The following CSF2RA variants were observed in gnomAD, a reference collection of about 807,000 sequenced individuals.
CSF2RA encodes granulocyte-macrophage colony-stimulating factor receptor subunit alpha.
Under a neutral mutation model 51.6 loss-of-function variants are expected in CSF2RA, and 42 were observed. The observed-to-expected ratio is 0.81, with a 90% CI of 0.64 to 1.05. The LOEUF (loss-of-function observed/expected upper bound fraction) is 1.05, where lower values mean the gene tolerates loss of function less well. CSF2RA is among the 50% of genes least tolerant of loss of function. The probability of loss-of-function intolerance (pLI) is 0.00; values close to 1 mark genes in which losing one functional copy is unlikely to be tolerated. For synonymous variants in CSF2RA, 222 were observed against 193.0 expected (o/e 1.15, Z -1.24); for missense variants, 530 against 501.1 (o/e 1.06, Z -0.55).
At chrX:1,314,532 T>G (rs1445593339), downstream of CSF2RA, among the ~76,000 whole-genome samples, 6 of 122,876 alleles carry the variant, frequency 4.9e-5, no homozygotes, top group East Asian at 2.6e-4. Context: ...CCAATCCCAC[T>G]GCACCTGCCC....
chrX:1,280,886 TCTCCTCCTCCTC>T lies in CSF2RA; in HGVS notation c.-26-1786_-26-1775del, dbSNP rs1228252614. Among the ~76,000 whole-genome samples, 41 of 65,174 alleles carry T rather than the reference TCTCCTCCTCCTC, an allele frequency of 6.3e-4. 1 individual carries two copies. The highest frequency in any genetic ancestry group is 1.2e-3 in the East Asian group (2 of 1,668). The allele number at this position is 65,174 out of a possible 152,430, so 42.8% of individuals were successfully genotyped here. On this transcript the variant is annotated intron_variant, in intron 2 of 12. Transcript: ENST00000381529. ...TCCTCCTCCTCCTTCTCCTGCTCCT[TCTCCTCCTCCTC>T]CTCCTGCTCCTTCTCCTCCTCCTCC... is the stretch of plus-strand genomic sequence containing the variant.
chrX:1,279,378 T>C (rs2089607434), intron 2 of CSF2RA, among the ~76,000 whole-genome samples: 1 of 151,710 alleles, frequency 6.6e-6, no homozygotes, highest in Non-Finnish European at 1.5e-5. Context: ...ATAATAATAA[T>C]AATAACTAGT....
the CSF2RA span, among the ~76,000 whole-genome samples, chrX:1,324,512 GGAAA>G: frequency 6.5e-4 from 78 of 119,644 alleles, no homozygotes; most frequent in East Asian, 6.3e-3. Flanking sequence ...GAAGGAGGAG[GGAAA>G]GAAGGAAGGG....
Position 1,300,556 on chromosome X carries a change from C to T in CSF2RA, c.876C>T (p.His292=). The T allele has an allele frequency of 1.9e-6, 3 of 1,613,856 alleles. No individual in the cohort carries two copies. Among genetic ancestry groups the T allele is most frequent in the Non-Finnish European group, 2.5e-6 (3 of 1,179,822 alleles). Residue 292 remains histidine, a synonymous_variant, in exon 10 of 13, where the codon CAC becomes CAT. Coordinates refer to ENST00000381529, the MANE Select transcript of CSF2RA (RefSeq NM_172245.4). Reference sequence around the variant, plus strand: ...CAAGCTCTGAGCCCAGAGCAAAACACAGTGTGAAGATCAGAGCTGCAGACG... The same window carrying T: ...CAAGCTCTGAGCCCAGAGCAAAACATAGTGTGAAGATCAGAGCTGCAGACG... ...NFPSSEPRAK[H]SVKIRAADVR... is the part of the protein sequence containing the mutation.
chrX:1,289,163 G>C, intron 6 of CSF2RA: 1 of 483,708 alleles, frequency 2.1e-6, no homozygotes, highest in South Asian at 2.1e-5. Context: ...TTGCTCTGTC[G>C]CCCAGGCTGG....
At position 1,294,469 on chromosome X, in the gene CSF2RA, A is replaced by G; in HGVS notation, c.780+8A>G. The G allele has an allele frequency of 1.9e-6, 3 of 1,613,748 alleles. No homozygotes were observed. The highest frequency in any genetic ancestry group is 1.7e-6 in the Non-Finnish European group (2 of 1,179,846). The stretch of plus-strand genomic sequence containing the variant: ...CTGGACGTCCACAGAAAGGTCGGTG[A>G]GAGCTCCCCGGGGCTGGGCACCAGG... On this transcript the variant is annotated splice_region_variant and intron_variant, in intron 8 of 12. Transcript: ENST00000381529.
At chrX:1,278,055 C>T (rs1317144377) in intron 2 of CSF2RA, among the ~76,000 whole-genome samples, 5 of 150,386 alleles carry the variant, frequency 3.3e-5, no homozygotes, top group African/African-American at 1.2e-4. Flanking sequence ...CTCCAGAGGC[C>T]AGGCGCAGTG....
rs1255087710 is a variant in CSF2RA, at chrX:1,304,225, A to G, written c.1043+206A>G. On this transcript the variant is annotated intron_variant, in intron 11 of 12. Coordinates refer to ENST00000381529, the MANE Select transcript of CSF2RA (RefSeq NM_172245.4). ...AGATCGAGACCATCCTGGCTAACACAGTGAAACCCCGTCTCTACTAAAAAA... is the reference window on the plus strand; with the variant it reads ...AGATCGAGACCATCCTGGCTAACACGGTGAAACCCCGTCTCTACTAAAAAA... Among the ~76,000 whole-genome samples, 8 of 28,536 alleles carry G rather than the reference A, an allele frequency of 2.8e-4. 1 individual carries two copies. The highest frequency in any genetic ancestry group is 3.9e-4 in the African/African-American group (2 of 5,184). The allele number at this position is 28,536 out of a possible 152,430, so 18.7% of individuals were successfully genotyped here.
chrX:1,268,983 C>G, intron 1 of CSF2RA, 104 bp downstream of exon 1: 1 of 419,848 alleles, frequency 2.4e-6, no homozygotes, highest in South Asian at 1.7e-5. Context: ...TGAACTGGAA[C>G]ATAAGATTTC....
intron 4 of CSF2RA, among the ~76,000 whole-genome samples, 186 bp downstream of exon 4, chrX:1,286,106 C>T (rs759111618): frequency 1.9e-4 from 29 of 151,828 alleles, no homozygotes; most frequent in African/African-American, 6.5e-4. Context: ...AACCCCGTCT[C>T]TACTACAAAT....
intron 7 of CSF2RA, among the ~76,000 whole-genome samples, chrX:1,291,775 T>G (rs2091425284): frequency 6.7e-6 from 1 of 149,730 alleles, no homozygotes; most frequent in Non-Finnish European, 1.5e-5. Flanking sequence ...CTGGACCCAG[T>G]GTAGACAAAG....
In CSF2RA at chrX:1,283,287, C is replaced by T. The variant is rs187162256; in HGVS notation, c.76+508C>T. On this transcript the variant is annotated intron_variant, in intron 3 of 12. Coordinates refer to ENST00000381529, the MANE Select transcript of CSF2RA (RefSeq NM_172245.4). ...TCCTTCTCTCCCTCCTGATTCATTT[C>T]TTCTCTTTCTTTCTCTTCCTTCCTT... Among the ~76,000 whole-genome samples, 622 of 147,046 alleles carry T rather than the reference C, an allele frequency of 4.2e-3. 5 individuals carry two copies. Among genetic ancestry groups the T allele is most frequent in the African/African-American group, 0.015 (605 of 39,280 alleles).
chrX:1,289,085 C>G, intron 6 of CSF2RA, 197 bp downstream of exon 6: 2 of 670,790 alleles, frequency 3.0e-6, no homozygotes, highest in South Asian at 3.7e-5. Flanking sequence ...CCTCAGCTTC[C>G]CAGGTAGCTG....
chrX:1,301,352 AAAG>A (rs1190846930), intron 10 of CSF2RA, among the ~76,000 whole-genome samples: 1 of 148,200 alleles, frequency 6.7e-6, no homozygotes, highest in East Asian at 2.0e-4. Flanking sequence ...AAAAAAAAAA[AAAG>A]AAAAAGTAGA....
intron 2 of CSF2RA, among the ~76,000 whole-genome samples, chrX:1,280,435 C>G (rs779922817): frequency 4.1e-5 from 6 of 146,064 alleles, no homozygotes; most frequent in Admixed American, 3.5e-4. Flanking sequence ...TGCACCACTG[C>G]ACTCCAGCCT....
intron 12 of CSF2RA, among the ~76,000 whole-genome samples, chrX:1,307,323 G>A (rs1314503212): frequency 3.9e-5 from 6 of 152,092 alleles, no homozygotes; most frequent in South Asian, 2.1e-4. Flanking sequence ...TTACACTTTC[G>A]GCTGATTGAA....
chrX:1,289,110 C>G (rs1342636523), intron 6 of CSF2RA: 1 of 594,306 alleles, frequency 1.7e-6, no homozygotes, highest in African/African-American at 1.9e-5. Context: ...TACAGGCGCC[C>G]GCCACCACAC....
downstream of CSF2RA, among the ~76,000 whole-genome samples, chrX:1,314,894 G>GTGCCTGCCC (rs2084476460): frequency 2.3e-5 from 2 of 87,874 alleles, 1 homozygote; most frequent in African/African-American, 8.6e-5. Context: ...CAACCACACT[G>GTGCCTGCCC]AACCTGCTCA....
Position 1,294,440 on chromosome X carries a change from C to T in CSF2RA, c.759C>T (p.Tyr253=), listed in dbSNP as rs777298234. 1.2e-6 allele frequency: 2 copies of T among 1,611,620 alleles called. No individual in the cohort carries two copies. Among genetic ancestry groups the T allele is most frequent in the Non-Finnish European group, 1.7e-6 (2 of 1,179,854 alleles). The part of the protein sequence containing the change: ...YQKLSYLDFQ[Y]QLDVHRKNTQ... ...AGCTGTCGTACCTGGACTTTCAGTA[C>T]CAGCTGGACGTCCACAGAAAGGTCG... Residue 253 remains tyrosine (Y), a synonymous_variant, in exon 8 of 13, where the codon TAC becomes TAT. Transcript: ENST00000381529.
Sources: allele counts gnomAD v4.1 joint callset (sites outside exome capture counted in the v4.1 genomes callset), GRCh38; gene constraint gnomAD v4.1.1; transcripts MANE v1.5; gene names NCBI Gene and HGNC (gene_info 2026-07-23, HGNC 2026-07-21).